Variants in GKAP1 observed in about 807,000 individuals in gnomAD.
The protein encoded by GKAP1 is G kinase anchoring protein 1, also known as G kinase-anchoring protein 1.
GKAP1 carries 31 observed loss-of-function variants against 56.7 expected under a neutral mutation model. The observed-to-expected ratio is 0.55, with a 90% CI of 0.41 to 0.74. The LOEUF (loss-of-function observed/expected upper bound fraction) is 0.74. Among genes scored for constraint, GKAP1 ranks in the 30% least tolerant of loss-of-function variants. The pLI is 0.00. For missense variants in GKAP1, 364 were observed against 402.3 expected (o/e 0.90, Z 0.82); for synonymous variants, 151 against 138.6 (o/e 1.09, Z -0.63).
chr9:83,757,153 T>C (rs1175691401), intron 8 of GKAP1, among the ~76,000 whole-genome samples: 4 of 151,758 alleles, frequency 2.6e-5, no homozygotes, highest in Non-Finnish European at 5.9e-5. Flanking sequence ...GTGTCTCGGG[T>C]TTGGGGTTTG....
chr9:83,782,255 C>G (rs1587720085), intron 6 of GKAP1, among the ~76,000 whole-genome samples: 2 of 152,022 alleles, frequency 1.3e-5, no homozygotes, highest in South Asian at 4.1e-4. Flanking sequence ...CTCAAGTGAT[C>G]TCCTGCTTTG....
rs534384303 is a variant in GKAP1, at chr9:83,809,495, G to A, written c.-43-2935C>T. On this transcript the variant is annotated intron_variant, in intron 2 of 12. Transcript: ENST00000376371. ...GCACTGCTACCCATTATCATAGACAGGCTTGTGAAACTGTTGGAAGATTAT... is the reference window on the plus strand; with the variant it reads ...GCACTGCTACCCATTATCATAGACAAGCTTGTGAAACTGTTGGAAGATTAT... Among the ~76,000 whole-genome samples, 12 of 152,340 alleles carry A rather than the reference G, an allele frequency of 7.9e-5. No homozygotes were observed. In the South Asian group the frequency reaches 2.5e-3, roughly 32 times the overall value.
Position 83,779,592 on chromosome 9 carries a change from T to C in GKAP1, c.585+790A>G, listed in dbSNP as rs553135966. Among the ~76,000 whole-genome samples the C allele has an allele frequency of 5.1e-5, 6 of 116,748 alleles. 1 individual carries two copies. The East Asian group carries it at 1.1e-3, about 22-fold the overall frequency. The allele number at this position is 116,748 out of a possible 152,430, so 76.6% of individuals were successfully genotyped here. ...ATACACACATATATATACACGTATA[T>C]GTGTATATATATACACATATACACA... On this transcript the variant is annotated intron_variant, in intron 7 of 12. Transcript: ENST00000376371.
intron 2 of GKAP1, among the ~76,000 whole-genome samples, chr9:83,810,158 A>G (rs1944488234): frequency 6.6e-6 from 1 of 152,212 alleles, no homozygotes; most frequent in African/African-American, 2.4e-5. Flanking sequence ...TACATTTTTG[A>G]TGAAAAGAGC....
At chr9:83,781,134 G>T (rs751410756) in intron 6 of GKAP1, among the ~76,000 whole-genome samples, 1 of 152,068 alleles carries the variant, frequency 6.6e-6, no homozygotes, top group Non-Finnish European at 1.5e-5. Flanking sequence ...AGGCCCAGGC[G>T]GGCGGATCAC....
rs569507314 is a variant in GKAP1, at chr9:83,739,538, A to G, written c.*159T>C. The G allele has an allele frequency of 1.6e-3, 711 of 451,412 alleles. 3 individuals are homozygous for G. Among genetic ancestry groups the G allele is most frequent in the African/African-American group, 8.1e-3 (408 of 50,202 alleles). 28.0% of individuals were successfully genotyped at this position (451,412 alleles called of 1,614,324 possible). ...TCTCTATTTCTTCTTTTTCACTTTA[A>G]GCCAAAAGAAATAAAATTATAGACC... On this transcript the variant is annotated 3_prime_UTR_variant, in exon 13 of 13. Transcript: ENST00000376371.
intron 12 of GKAP1, among the ~76,000 whole-genome samples, chr9:83,739,974 C>T (rs1943179444): frequency 6.6e-6 from 1 of 152,040 alleles, no homozygotes; most frequent in Non-Finnish European, 1.5e-5. Flanking sequence ...GAATAAGAGT[C>T]TTGCCTTAGT....
intron 12 of GKAP1, among the ~76,000 whole-genome samples, chr9:83,741,358 TCTCACACACACA>T (rs1331172988): frequency 1.4e-4 from 20 of 147,708 alleles, no homozygotes; most frequent in Non-Finnish European, 2.1e-4. Flanking sequence ...TAAATATATC[TCTCACACACACA>T]CACACACACA....
At chr9:83,745,131 T>A (rs906956446) in intron 10 of GKAP1, among the ~76,000 whole-genome samples, 1 of 152,002 alleles carries the variant, frequency 6.6e-6, no homozygotes, top group Non-Finnish European at 1.5e-5. Context: ...CCTGGGCTCA[T>A]GCAATCCTCC....
intron 3 of GKAP1, 43 bp downstream of exon 3, chr9:83,806,257 ATT>A (rs1411172292): frequency 5.6e-6 from 7 of 1,254,078 alleles, no homozygotes; most frequent in Non-Finnish European, 7.9e-6. Context: ...TCTCAGGATG[ATT>A]ACCATCTACT....
At chr9:83,785,791 AC>A (rs1944054013) in intron 5 of GKAP1, among the ~76,000 whole-genome samples, 1 of 152,122 alleles carries the variant, frequency 6.6e-6, no homozygotes, top group African/African-American at 2.4e-5. Flanking sequence ...TAAAATGAAA[AC>A]CCAAAATCAA....
chr9:83,760,622 A>G (rs1943554073), intron 8 of GKAP1, among the ~76,000 whole-genome samples: 1 of 152,202 alleles, frequency 6.6e-6, no homozygotes, highest in Non-Finnish European at 1.5e-5. Flanking sequence ...TTAGGTCACA[A>G]AACAAGTCCT....
intron 8 of GKAP1, among the ~76,000 whole-genome samples, 170 bp downstream of exon 8, chr9:83,768,648 T>C (rs142426477): frequency 4.0e-4 from 61 of 152,288 alleles, no homozygotes; most frequent in African/African-American, 1.3e-3. Flanking sequence ...ACAGTATGAG[T>C]ATACTTCATA....
intron 10 of GKAP1, among the ~76,000 whole-genome samples, chr9:83,745,981 G>A (rs1943286738): frequency 6.6e-6 from 1 of 151,952 alleles, no homozygotes; most frequent in Non-Finnish European, 1.5e-5. Context: ...AGTAGAGATA[G>A]GGTTTCACCA....
At chr9:83,741,360 T>A (rs12339592) in intron 12 of GKAP1, among the ~76,000 whole-genome samples, 2,561 of 48,610 alleles carry the variant, frequency 0.053, 63 homozygotes, top group African/African-American at 0.12. Context: ...AATATATCTC[T>A]CACACACACA....
chr9:83,779,017 C>T (rs879577034), intron 7 of GKAP1, among the ~76,000 whole-genome samples: 3 of 151,842 alleles, frequency 2.0e-5, no homozygotes, highest in Non-Finnish European at 2.9e-5. Context: ...AAGAAGAAAA[C>T]GCAAGCATCA....
chr9:83,816,964 G>A (rs1944617015), intron 2 of GKAP1, 32 bp downstream of exon 2: 1 of 152,116 alleles, frequency 6.6e-6, no homozygotes, highest in Non-Finnish European at 1.5e-5. Context: ...GGAGGAGGAG[G>A]AGCACTATAT....
At chr9:83,799,381 T>A in intron 3 of GKAP1, 53 bp from the exon 4 acceptor site, 1 of 1,278,160 alleles carries the variant, frequency 7.8e-7, no homozygotes, top group Non-Finnish European at 1.1e-6. Flanking sequence ...CCTGGGATAC[T>A]AATGATTTTT....
intron 7 of GKAP1, among the ~76,000 whole-genome samples, chr9:83,770,011 A>G (rs536927324): frequency 6.6e-6 from 1 of 152,284 alleles, no homozygotes; most frequent in African/African-American, 2.4e-5. Context: ...ATCTTTTTGG[A>G]GAAATGTCTT....
Sources: gnomAD v4.1 joint callset for allele counts (sites outside exome capture counted in the v4.1 genomes callset) on GRCh38, gnomAD v4.1.1 for gene constraint, MANE v1.5 for transcripts, NCBI Gene and HGNC (gene_info 2026-07-23, HGNC 2026-07-21) for gene names.